WNT7B: variants seen among roughly 807,000 people sequenced by gnomAD.
WNT7B encodes the protein Wnt family member 7B, also known as protein Wnt-7b.
A neutral mutation model predicts 38.2 loss-of-function variants in WNT7B; 19 were observed. That is an observed-to-expected ratio of 0.50 (90% CI 0.35 to 0.73). The LOEUF (loss-of-function observed/expected upper bound fraction) is 0.73. WNT7B is among the 30% of genes least tolerant of loss of function. WNT7B has a pLI of 0.01. For missense variants in WNT7B, 423 were observed against 507.9 expected (o/e 0.83, Z 1.61); for synonymous variants, 243 against 209.3 (o/e 1.16, Z -1.39).
intron 2 of WNT7B, among the ~76,000 whole-genome samples, chr22:45,934,450 G>A (rs1931461362): frequency 6.6e-6 from 1 of 152,188 alleles, no homozygotes; most frequent in Non-Finnish European, 1.5e-5. Flanking sequence ...TCACCCGATG[G>A]AGGGGGTCTA....
At chr22:45,954,221 T>C (rs1236742328) in intron 1 of WNT7B, among the ~76,000 whole-genome samples, 2 of 151,468 alleles carry the variant, frequency 1.3e-5, no homozygotes, top group Non-Finnish European at 1.5e-5. Flanking sequence ...TCCATCGAGA[T>C]AGAAAGTAGA....
chr22:45,939,768 G>A (rs1252256712), intron 2 of WNT7B, among the ~76,000 whole-genome samples: 4 of 152,196 alleles, frequency 2.6e-5, no homozygotes, highest in Non-Finnish European at 5.9e-5. Flanking sequence ...CAAGGTTGCA[G>A]TGAGCCATGT....
rs180692004 is a variant in WNT7B, at chr22:45,938,871, T to C, written c.299-7502A>G. On this transcript the variant is annotated intron_variant, in intron 2 of 3. Coordinates refer to ENST00000339464, the MANE Select transcript of WNT7B (RefSeq NM_058238.3). The stretch of plus-strand genomic sequence containing the variant: ...TGTATACATGTATCAACATATCACA[T>C]GGACCCCATAAATATGTGTAATATT... Among the ~76,000 whole-genome samples, 42 of 152,326 alleles carry C rather than the reference T, an allele frequency of 2.8e-4. No individual in the cohort carries two copies. The East Asian group carries it at 5.2e-3, about 19-fold the overall frequency.
At chr22:45,932,827 G>C (rs766755480) in intron 2 of WNT7B, among the ~76,000 whole-genome samples, 11 of 152,212 alleles carry the variant, frequency 7.2e-5, no homozygotes, top group Non-Finnish European at 1.6e-4. Flanking sequence ...GGCAGCTGGA[G>C]ACTCACACTG....
At chr22:45,925,309 TTTCTG>T (rs1931050253) in intron 3 of WNT7B, 25 of 985,360 alleles carry the variant, frequency 2.5e-5, no homozygotes, top group Non-Finnish European at 2.9e-5. Context: ...GCTGGGGTGT[TTTCTG>T]CTCTGCATCA....
At chr22:45,931,004 G>A in intron 3 of WNT7B, 94 bp downstream of exon 3, 1 of 1,442,468 alleles carries the variant, frequency 6.9e-7, no homozygotes, top group East Asian at 2.5e-5. Flanking sequence ...AGACTCAACT[G>A]CTTCTGCTAG....
At chr22:45,929,631 TCCA>T (rs1931237264) in intron 3 of WNT7B, among the ~76,000 whole-genome samples, 4 of 111,062 alleles carry the variant, frequency 3.6e-5, no homozygotes, top group African/African-American at 1.1e-4. Context: ...CATCCTTCCA[TCCA>T]TGCATCCACT....
intron 2 of WNT7B, among the ~76,000 whole-genome samples, chr22:45,946,726 G>A (rs1206460497): frequency 6.6e-6 from 1 of 152,156 alleles, no homozygotes; most frequent in Non-Finnish European, 1.5e-5. Flanking sequence ...GCCAGCACAG[G>A]GTCCTTAGAA....
intron 2 of WNT7B, among the ~76,000 whole-genome samples, chr22:45,938,336 G>A (rs964128533): frequency 6.6e-6 from 1 of 152,024 alleles, no homozygotes; most frequent in Non-Finnish European, 1.5e-5. Context: ...AAGAAAGGTG[G>A]GTTAAGAGGT....
intron 2 of WNT7B, among the ~76,000 whole-genome samples, chr22:45,933,449 C>T (rs138186007): frequency 8.3e-4 from 126 of 152,200 alleles, no homozygotes; most frequent in Middle Eastern, 3.4e-3. Flanking sequence ...CAAGATGATG[C>T]GAAGGGAAGC....
intron 1 of WNT7B, among the ~76,000 whole-genome samples, chr22:45,955,496 A>G (rs916219459): frequency 1.3e-5 from 2 of 152,152 alleles, no homozygotes; most frequent in Non-Finnish European, 1.5e-5. Context: ...CAAGTGTGAA[A>G]ACTCTCAGGG....
chr22:45,929,580 A>C (rs1317989416), intron 3 of WNT7B, among the ~76,000 whole-genome samples: 7 of 123,396 alleles, frequency 5.7e-5, no homozygotes, highest in South Asian at 2.6e-4. Context: ...ATTCATCCAT[A>C]CTTCCATCCA....
chr22:45,967,835 T>C (rs1303379022), intron 1 of WNT7B, among the ~76,000 whole-genome samples: 1 of 152,034 alleles, frequency 6.6e-6, no homozygotes, highest in Non-Finnish European at 1.5e-5. Flanking sequence ...AATCACCAAC[T>C]TCATGATCAT....
At chr22:45,926,867 G>T (rs1358409828) in intron 3 of WNT7B, 2 of 985,284 alleles carry the variant, frequency 2.0e-6, no homozygotes, top group African/African-American at 3.5e-5. Flanking sequence ...CCCAGGATCC[G>T]GCGCTCCCAT....
chr22:45,937,837 C>G (rs766422794), intron 2 of WNT7B, among the ~76,000 whole-genome samples: 2 of 152,102 alleles, frequency 1.3e-5, no homozygotes. Flanking sequence ...TGGTGAAACC[C>G]CAGGTCTACT....
At chr22:45,928,949 G>A (rs1439512988) in intron 3 of WNT7B, among the ~76,000 whole-genome samples, 1 of 152,152 alleles carries the variant, frequency 6.6e-6, no homozygotes, top group Non-Finnish European at 1.5e-5. Flanking sequence ...TCTCTGCTGT[G>A]TACACTTCCC....
chr22:45,965,910 G>A lies in WNT7B; in HGVS notation c.71+10774C>T, dbSNP rs927388546. Reference sequence around the variant, plus strand: ...CACGCAACAGAGCCCGCCCAAGGCTGGAAACCCGCCTTAGTAAAACACCGT... The same window carrying A: ...CACGCAACAGAGCCCGCCCAAGGCTAGAAACCCGCCTTAGTAAAACACCGT... On this transcript the variant is annotated intron_variant, in intron 1 of 3. Transcript: ENST00000339464. This position sits in a 1 kb window ranked among gnomAD's most constrained non-coding sequence, Gnocchi z 6.5. 1.3e-5 allele frequency among the ~76,000 whole-genome samples: 2 copies of A among 152,192 alleles called. No homozygotes were observed. The highest frequency in any genetic ancestry group is 4.8e-5 in the African/African-American group (2 of 41,454).
At chr22:45,924,105 C>T (rs1245811015) in intron 3 of WNT7B, among the ~76,000 whole-genome samples, 3 of 152,206 alleles carry the variant, frequency 2.0e-5, no homozygotes, top group Non-Finnish European at 2.9e-5. Context: ...CCCTGCCAGC[C>T]GGGCCTGATT....
At position 45,928,727 on chromosome 22, in the gene WNT7B, A is replaced by G. The variant is rs78019813; in HGVS notation, c.570+2371T>C. On this transcript the variant is annotated intron_variant, in intron 3 of 3. Coordinates refer to ENST00000339464, the MANE Select transcript of WNT7B (RefSeq NM_058238.3). ...AGCCCTGGGGTTCACACAGCACCCT[A>G]GAGCTAAATCAGACACAACCCTGGT... Among the ~76,000 whole-genome samples, 42 of 152,268 alleles carry G rather than the reference A, an allele frequency of 2.8e-4. 1 individual carries two copies. The East Asian group carries it at 6.0e-3, about 22-fold the overall frequency.
Sources: allele counts gnomAD v4.1 joint callset (sites outside exome capture counted in the v4.1 genomes callset), GRCh38; gene constraint gnomAD v4.1.1; non-coding constraint Gnocchi (gnomAD v3.1); transcripts MANE v1.5; gene names NCBI Gene and HGNC (gene_info 2026-07-23, HGNC 2026-07-21).